Variants in NKAIN2 observed in about 807,000 individuals in gnomAD.
The protein encoded by NKAIN2 is sodium/potassium transporting ATPase interacting 2, also known as sodium/potassium-transporting ATPase subunit beta-1-interacting protein 2.
NKAIN2 carries 14 observed loss-of-function variants against 32.6 expected under a neutral mutation model. The ratio of observed to expected loss-of-function variants is 0.43; its 90% CI spans 0.28 to 0.67. The LOEUF is 0.67. Among genes scored for constraint, NKAIN2 ranks in the 30% least tolerant of loss-of-function variants. The pLI is 0.17. For missense variants in NKAIN2, 198 were observed against 258.3 expected, an observed-to-expected ratio of 0.77 and a Z score of 1.60; for synonymous variants, 80 against 87.2, an observed-to-expected ratio of 0.92 and a Z score of 0.46.
chr6:123,881,863 G>T (rs1387250767), intron 1 of NKAIN2, among the ~76,000 whole-genome samples: 1 of 152,060 alleles, frequency 6.6e-6, no homozygotes, highest in Admixed American at 6.5e-5. Context: ...ACATGAATAT[G>T]ACACTTTTAG....
intron 1 of NKAIN2, among the ~76,000 whole-genome samples, chr6:124,256,439 C>A (rs1241952752): frequency 6.6e-6 from 1 of 151,976 alleles, no homozygotes; most frequent in African/African-American, 2.4e-5. Flanking sequence ...GAAAGGTAAC[C>A]CAGGAAACAG....
chr6:123,931,446 A>G (rs1291007004), intron 1 of NKAIN2, among the ~76,000 whole-genome samples: 1 of 152,068 alleles, frequency 6.6e-6, no homozygotes, highest in Non-Finnish European at 1.5e-5. Context: ...TCATTTTATT[A>G]TGATATTTGC....
rs540060543 is a variant in NKAIN2, at chr6:123,928,100, A to C, written c.54+123846A>C. On this transcript the variant is annotated intron_variant, in intron 1 of 6. Coordinates refer to ENST00000368417, the MANE Select transcript of NKAIN2 (RefSeq NM_001040214.3). ...GCACAGAATAATGTCCTGTAGTGGA[A>C]ACATAAATGCAGCTGAAAGCCATTA... 5.3e-5 allele frequency among the ~76,000 whole-genome samples: 8 copies of C among 152,338 alleles called. No homozygotes were observed. In the South Asian group the frequency reaches 1.7e-3, roughly 32 times the overall value.
intron 1 of NKAIN2, among the ~76,000 whole-genome samples, chr6:123,834,011 C>A (rs1176949506): frequency 1.3e-5 from 2 of 151,984 alleles, no homozygotes; most frequent in African/African-American, 4.8e-5. Flanking sequence ...CAGGTTTGAG[C>A]CACCGCGCCT....
intron 3 of NKAIN2, among the ~76,000 whole-genome samples, chr6:124,638,204 A>G (rs897634014): frequency 6.6e-6 from 1 of 152,222 alleles, no homozygotes; most frequent in African/African-American, 2.4e-5. Context: ...AAAACTGGAT[A>G]ACTGTATGCA....
intron 4 of NKAIN2, among the ~76,000 whole-genome samples, chr6:124,686,949 G>A (rs1363639080): frequency 6.6e-6 from 1 of 151,956 alleles, no homozygotes; most frequent in Non-Finnish European, 1.5e-5. Context: ...AACATGAAAA[G>A]GTGAGATAGG....
intron 1 of NKAIN2, among the ~76,000 whole-genome samples, chr6:123,834,018 G>A (rs943685908): frequency 2.7e-5 from 4 of 150,764 alleles, no homozygotes; most frequent in Non-Finnish European, 4.4e-5. Context: ...GAGCCACCGC[G>A]CCTGGCCAGT....
chr6:124,230,541 T>G (rs1183662015), intron 1 of NKAIN2, among the ~76,000 whole-genome samples: 1 of 152,030 alleles, frequency 6.6e-6, no homozygotes, highest in African/African-American at 2.4e-5. Flanking sequence ...GCCCAGAGGT[T>G]TAGGAAGGAA....
At chr6:124,411,202 G>A (rs1176996831) in intron 3 of NKAIN2, among the ~76,000 whole-genome samples, 2 of 152,106 alleles carry the variant, frequency 1.3e-5, no homozygotes, top group Non-Finnish European at 2.9e-5. Context: ...GTATTGGTAT[G>A]TGTGAATTTG....
chr6:123,999,524 A>C (rs565953819), intron 1 of NKAIN2, among the ~76,000 whole-genome samples: 1 of 152,324 alleles, frequency 6.6e-6, no homozygotes, highest in African/African-American at 2.4e-5. Context: ...TAAAATATGC[A>C]TTATATTTAT....
At chr6:123,895,575 T>G (rs1461866405) in intron 1 of NKAIN2, among the ~76,000 whole-genome samples, 2 of 152,150 alleles carry the variant, frequency 1.3e-5, no homozygotes, top group African/African-American at 4.8e-5. Flanking sequence ...AGGGACAGGT[T>G]AGGGTCACAG....
intron 1 of NKAIN2, among the ~76,000 whole-genome samples, chr6:123,840,049 A>G (rs1774802710): frequency 6.6e-6 from 1 of 152,080 alleles, no homozygotes; most frequent in Admixed American, 6.6e-5. Context: ...TTTTGGCCTA[A>G]TATTTTAGAT....
At chr6:124,527,055 T>C (rs757567231) in intron 3 of NKAIN2, among the ~76,000 whole-genome samples, 2 of 152,256 alleles carry the variant, frequency 1.3e-5, no homozygotes, top group South Asian at 4.1e-4. Context: ...CACCATACCA[T>C]ACCTTCTTAT....
intron 4 of NKAIN2, among the ~76,000 whole-genome samples, chr6:124,689,922 G>A (rs925862563): frequency 6.6e-6 from 1 of 152,020 alleles, no homozygotes; most frequent in Admixed American, 6.6e-5. Context: ...CTCCAATATT[G>A]TGTTGTCTGT....
chr6:124,266,495 T>G (rs1794499928), intron 1 of NKAIN2, among the ~76,000 whole-genome samples: 1 of 152,018 alleles, frequency 6.6e-6, no homozygotes, highest in South Asian at 2.1e-4. Flanking sequence ...CCCAGGCTGG[T>G]CTTGAACTCC....
rs558384163 is a variant in NKAIN2, at chr6:124,024,979, G to A, written c.54+220725G>A. ...CAGCCTGGCAACAGAGTGAGATTCC[G>A]TCTCAAAAAAAAAAAAGTGCTTTTC... On this transcript the variant is annotated intron_variant, in intron 1 of 6. Coordinates refer to ENST00000368417, the MANE Select transcript of NKAIN2 (RefSeq NM_001040214.3). 1.8e-4 allele frequency among the ~76,000 whole-genome samples: 25 copies of A among 135,178 alleles called. No homozygotes were observed. In the East Asian group the frequency reaches 2.4e-3, roughly 13 times the overall value. The allele number at this position is 135,178 out of a possible 152,430, so 88.7% of individuals were successfully genotyped here.
intron 2 of NKAIN2, among the ~76,000 whole-genome samples, chr6:124,350,238 A>G (rs1291921621): frequency 6.6e-6 from 1 of 152,222 alleles, no homozygotes; most frequent in African/African-American, 2.4e-5. Context: ...AGAAGTTTGT[A>G]CTGATCTTTA....
chr6:124,016,268 G>A (rs375582919), intron 1 of NKAIN2, among the ~76,000 whole-genome samples: 7 of 152,084 alleles, frequency 4.6e-5, no homozygotes, highest in East Asian at 3.9e-4. Context: ...GAAACCTCTC[G>A]AAGAAATTTG....
intron 3 of NKAIN2, among the ~76,000 whole-genome samples, chr6:124,632,902 C>G (rs1418703741): frequency 6.6e-6 from 1 of 152,156 alleles, no homozygotes; most frequent in Non-Finnish European, 1.5e-5. Context: ...AAATGTAACT[C>G]TATTGTAAAT....
Sources: gnomAD v4.1 joint callset for allele counts (sites outside exome capture counted in the v4.1 genomes callset) on GRCh38, gnomAD v4.1.1 for gene constraint, MANE v1.5 for transcripts, NCBI Gene and HGNC (gene_info 2026-07-23, HGNC 2026-07-21) for gene names.